The following RPH3A variants were observed in gnomAD, a reference collection of about 807,000 sequenced individuals.
RPH3A encodes rabphilin 3A, also known as rabphilin-3A.
In RPH3A, 48 loss-of-function variants were observed where a neutral mutation model predicts 102.2. That is an observed-to-expected ratio of 0.47 (90% CI 0.37 to 0.60). The LOEUF (loss-of-function observed/expected upper bound fraction) is 0.60, where lower values mean the gene tolerates loss of function less well. Ranked by LOEUF, RPH3A falls within the 20% of genes least tolerant of loss-of-function variation. RPH3A has a pLI of 0.00. For synonymous variants in RPH3A, 310 were observed against 324.3 expected (o/e 0.96, Z 0.47); for missense variants, 781 against 910.1 (o/e 0.86, Z 1.83).
chr12:112,847,863 T>G, intron 5 of RPH3A, 21 bp downstream of exon 5: 1 of 1,612,298 alleles, frequency 6.2e-7, no homozygotes, highest in Non-Finnish European at 8.5e-7. Flanking sequence ...ACGCTTCCCA[T>G]TCACCCCAGA....
chr12:112,605,129 C>G (rs2039586097), intron 1 of RPH3A, among the ~76,000 whole-genome samples: 1 of 152,174 alleles, frequency 6.6e-6, no homozygotes, highest in Admixed American at 6.5e-5. Context: ...AATCCCAACA[C>G]TTTGGGAGAC....
intron 1 of RPH3A, among the ~76,000 whole-genome samples, chr12:112,575,517 C>T (rs1178020192): frequency 1.3e-5 from 2 of 151,916 alleles, no homozygotes; most frequent in East Asian, 1.9e-4. Flanking sequence ...GGGAGACCCG[C>T]GCAGGACCCG....
chr12:112,715,387 T>C (rs547526555), intron 1 of RPH3A, among the ~76,000 whole-genome samples: 2 of 152,202 alleles, frequency 1.3e-5, no homozygotes, highest in South Asian at 2.1e-4. Flanking sequence ...TAACTTCTTA[T>C]TGATTTGTTT....
intron 1 of RPH3A, among the ~76,000 whole-genome samples, chr12:112,724,913 G>C (rs1217500390): frequency 6.6e-6 from 1 of 151,792 alleles, no homozygotes; most frequent in African/African-American, 2.4e-5. Flanking sequence ...AGGTTGCAGT[G>C]AGCCAAGATT....
chr12:112,605,733 CAG>C (rs1199317983), intron 1 of RPH3A, among the ~76,000 whole-genome samples: 1 of 152,240 alleles, frequency 6.6e-6, no homozygotes, highest in South Asian at 2.1e-4. Context: ...TGACCTAAGT[CAG>C]AGTTTTCCAT....
intron 1 of RPH3A, among the ~76,000 whole-genome samples, chr12:112,629,981 G>C (rs2095492074): frequency 6.6e-6 from 1 of 152,026 alleles, no homozygotes; most frequent in Non-Finnish European, 1.5e-5. Flanking sequence ...CAGCTAGGAA[G>C]ATATAGAGAA....
chr12:112,713,049 CTCCTTCTTCTTCTTCTT>C (rs2040487835), intron 1 of RPH3A, among the ~76,000 whole-genome samples: 2 of 68,398 alleles, frequency 2.9e-5, no homozygotes, highest in East Asian at 3.4e-4. Context: ...TCTTCTTCTT[CTCCTTCTTCTTCTTCTT>C]CTTCTTCTTC....
At chr12:112,652,354 G>T (rs937904887) in intron 1 of RPH3A, among the ~76,000 whole-genome samples, 2 of 152,004 alleles carry the variant, frequency 1.3e-5, no homozygotes, top group Non-Finnish European at 2.9e-5. Context: ...GCGCTTACCT[G>T]TAGTCCCAGC....
chr12:112,885,113 G>T (rs2042983467), intron 16 of RPH3A, among the ~76,000 whole-genome samples: 1 of 152,188 alleles, frequency 6.6e-6, no homozygotes, highest in African/African-American at 2.4e-5. Context: ...CCAGTTTACT[G>T]TTGATGTATT....
chr12:112,838,974 AT>A (rs1292723129), intron 4 of RPH3A, among the ~76,000 whole-genome samples: 1 of 152,116 alleles, frequency 6.6e-6, no homozygotes, highest in Non-Finnish European at 1.5e-5. Context: ...GATGAAGCAC[AT>A]TGAGAAGGCC....
chr12:112,621,007 A>ATTTTT lies in RPH3A; in HGVS notation c.-140+45690_-140+45691insTTTTT, dbSNP rs200365954. Reference sequence around the variant, plus strand: ...ACATATCTTCCTATTTTTTAACATTATTATTTTTTTTTTTTTGTAGAGATA... The same window carrying ATTTTT: ...ACATATCTTCCTATTTTTTAACATTATTTTTTTATTTTTTTTTTTTTGTAGAGATA... On this transcript the variant is annotated intron_variant, in intron 1 of 21. Transcript: ENST00000543106. Among the ~76,000 whole-genome samples the ATTTTT allele has an allele frequency of 4.2e-5, 6 of 141,970 alleles. 1 individual carries two copies. The highest frequency in any genetic ancestry group is 8.6e-5 in the African/African-American group (3 of 35,034). 93.1% of individuals were successfully genotyped at this position (141,970 alleles called of 152,430 possible).
chr12:112,727,053 A>ATAAG (rs1221648863), intron 1 of RPH3A, among the ~76,000 whole-genome samples: 1 of 152,076 alleles, frequency 6.6e-6, no homozygotes, highest in Non-Finnish European at 1.5e-5. Flanking sequence ...AAATAAATAA[A>ATAAG]TAAAATAAAA....
chr12:112,653,221 G>A (rs769607687), intron 1 of RPH3A, among the ~76,000 whole-genome samples: 3 of 151,626 alleles, frequency 2.0e-5, no homozygotes, highest in Non-Finnish European at 4.4e-5. Flanking sequence ...AAACCCCATC[G>A]CTACTAAAAA....
At chr12:112,645,661 C>G (rs1424289220) in intron 1 of RPH3A, among the ~76,000 whole-genome samples, 1 of 152,108 alleles carries the variant, frequency 6.6e-6, no homozygotes, top group African/African-American at 2.4e-5. Context: ...AATTTCCATC[C>G]TTGGGGGTAA....
chr12:112,776,255 T>A (rs1268009367), intron 1 of RPH3A, among the ~76,000 whole-genome samples: 1 of 152,228 alleles, frequency 6.6e-6, no homozygotes, highest in African/African-American at 2.4e-5. Context: ...GTTTCCTCAT[T>A]GTATCAGTTA....
chr12:112,783,667 T>G lies in RPH3A; in HGVS notation c.-139-8476T>G, dbSNP rs144486798. 3.1e-3 allele frequency among the ~76,000 whole-genome samples: 465 copies of G among 152,296 alleles called. 3 individuals are homozygous for G. Among genetic ancestry groups the G allele is most frequent in the African/African-American group, 0.011 (442 of 41,564 alleles). The stretch of plus-strand genomic sequence containing the variant: ...TCATTGAATAATTCCAAGAAACACA[T>G]GTTGTACATATTATTATTAGTATCC... On this transcript the variant is annotated intron_variant, in intron 1 of 21. Transcript: ENST00000543106.
At chr12:112,827,464 G>A (rs1013091450) in intron 2 of RPH3A, among the ~76,000 whole-genome samples, 1 of 152,096 alleles carries the variant, frequency 6.6e-6, no homozygotes, top group African/African-American at 2.4e-5. Context: ...GGTGAATACT[G>A]GGCTGTTTCT....
intron 1 of RPH3A, among the ~76,000 whole-genome samples, chr12:112,726,630 T>G (rs1023769702): frequency 1.3e-5 from 2 of 152,224 alleles, no homozygotes; most frequent in African/African-American, 4.8e-5. Flanking sequence ...CTTACTTCAT[T>G]TTTCCCCCTT....
chr12:112,703,292 A>G (rs2040407270), intron 1 of RPH3A, among the ~76,000 whole-genome samples: 1 of 152,212 alleles, frequency 6.6e-6, no homozygotes, highest in Non-Finnish European at 1.5e-5. Flanking sequence ...TACACAGCAT[A>G]TTGTGGCTAT....
Sources: allele counts gnomAD v4.1 joint callset (sites outside exome capture counted in the v4.1 genomes callset), GRCh38; gene constraint gnomAD v4.1.1; transcripts MANE v1.5; gene names NCBI Gene and HGNC (gene_info 2026-07-23, HGNC 2026-07-21).